UBE3D: variants seen among roughly 807,000 people sequenced by gnomAD.
The protein encoded by UBE3D is E3 ubiquitin-protein ligase E3D.
Under a neutral mutation model 49.6 loss-of-function variants are expected in UBE3D, and 48 were observed. The ratio of observed to expected loss-of-function variants is 0.97; its 90% confidence interval spans 0.77 to 1.23. UBE3D has a LOEUF of 1.23. UBE3D is among the 50% of genes most tolerant of loss of function. The pLI, the probability that UBE3D is intolerant of heterozygous loss-of-function variation, is 0.00. For missense variants in UBE3D, 452 were observed against 468.4 expected, an observed-to-expected ratio of 0.96 and a Z score of 0.32; for synonymous variants, 189 against 174.2, an observed-to-expected ratio of 1.08 and a Z score of -0.67.
chr6:82,981,140 C>G (rs1002867042), intron 8 of UBE3D, among the ~76,000 whole-genome samples: 5 of 152,070 alleles, frequency 3.3e-5, no homozygotes, highest in Non-Finnish European at 4.4e-5. Context: ...AACAAGGAAA[C>G]TGAAGTTCAG....
rs1028901474 is a variant in UBE3D at position 83,026,744 on chromosome 6, G to A, written c.668-2706C>T. 2.6e-5 allele frequency among the ~76,000 whole-genome samples: 4 copies of A among 151,912 alleles called. No individual in the cohort carries two copies. The South Asian group carries it at 8.3e-4, about 32-fold the overall frequency. ...GGTCTTGCCCTGTTGCCCAATTAGGGTGCAGTGGTGTGATCACAGCTCACT... is the reference window on the plus strand; with the variant it reads ...GGTCTTGCCCTGTTGCCCAATTAGGATGCAGTGGTGTGATCACAGCTCACT... On this transcript the variant is annotated intron_variant, in intron 5 of 9. Coordinates refer to ENST00000369747, the MANE Select transcript of UBE3D (RefSeq NM_198920.3).
intron 9 of UBE3D, among the ~76,000 whole-genome samples, chr6:82,941,776 CCT>C (rs1775035164): frequency 6.6e-6 from 1 of 152,090 alleles, no homozygotes; most frequent in African/African-American, 2.4e-5. Flanking sequence ...TGGCATTTCC[CCT>C]GTTGGCACTC....
chr6:82,999,181 A>T (rs1038970175), intron 8 of UBE3D, among the ~76,000 whole-genome samples: 9 of 152,106 alleles, frequency 5.9e-5, no homozygotes, highest in Admixed American at 3.9e-4. Context: ...CATCTTCTCA[A>T]AACCTATATG....
chr6:83,065,559 G>T, intron 1 of UBE3D, 83 bp downstream of exon 1: 2 of 1,323,112 alleles, frequency 1.5e-6, no homozygotes, highest in Non-Finnish European at 2.1e-6. Flanking sequence ...AAAATCCCTC[G>T]TACAGAGAGA....
At chr6:83,026,762 A>T (rs576928007) in intron 5 of UBE3D, among the ~76,000 whole-genome samples, 1 of 152,118 alleles carries the variant, frequency 6.6e-6, no homozygotes, top group East Asian at 1.9e-4. Flanking sequence ...GTGTGATCAC[A>T]GCTCACTGTA....
intron 9 of UBE3D, among the ~76,000 whole-genome samples, chr6:82,944,570 T>G (rs991104506): frequency 3.3e-5 from 5 of 152,288 alleles, no homozygotes; most frequent in African/African-American, 1.2e-4. Flanking sequence ...TCCTTTTGCT[T>G]GAGGAAAGCA....
chr6:83,032,201 C>T (rs1781925575), intron 5 of UBE3D: 1 of 456,228 alleles, frequency 2.2e-6, no homozygotes, highest in Non-Finnish European at 4.4e-6. Context: ...AGCCACAGTA[C>T]CTCAACACCA....
At chr6:82,943,829 T>C (rs939935184) in intron 9 of UBE3D, among the ~76,000 whole-genome samples, 1 of 151,474 alleles carries the variant, frequency 6.6e-6, no homozygotes, top group Non-Finnish European at 1.5e-5. Context: ...GAGAGTGCAG[T>C]GAATATGAGA....
At chr6:82,935,462 T>C (rs1052842402) in intron 9 of UBE3D, among the ~76,000 whole-genome samples, 1 of 152,110 alleles carries the variant, frequency 6.6e-6, no homozygotes, top group African/African-American at 2.4e-5. Context: ...ATATGTCTAA[T>C]AGAAGGTCGG....
intron 8 of UBE3D, among the ~76,000 whole-genome samples, chr6:82,963,989 A>G (rs1776734344): frequency 1.3e-5 from 2 of 152,238 alleles, no homozygotes; most frequent in South Asian, 4.1e-4. Context: ...ACAATGAACT[A>G]AACGTCAATT....
intron 9 of UBE3D, among the ~76,000 whole-genome samples, chr6:82,894,430 C>A (rs1182968480): frequency 6.6e-6 from 1 of 152,164 alleles, no homozygotes; most frequent in Non-Finnish European, 1.5e-5. Flanking sequence ...CAATATCCTG[C>A]CGGGCGGTAA....
chr6:83,040,764 C>A (rs1339479754), intron 4 of UBE3D, among the ~76,000 whole-genome samples: 2 of 152,292 alleles, frequency 1.3e-5, no homozygotes, highest in Non-Finnish European at 2.9e-5. Context: ...CAAAGTGGGC[C>A]CCACAGTGTG....
intron 9 of UBE3D, among the ~76,000 whole-genome samples, chr6:82,939,846 C>G (rs966249769): frequency 6.6e-6 from 1 of 152,132 alleles, no homozygotes; most frequent in Admixed American, 6.5e-5. Context: ...TAAACACAAC[C>G]AAACAAAACA....
chr6:82,997,538 T>C (rs1779328418), intron 8 of UBE3D, among the ~76,000 whole-genome samples: 1 of 151,816 alleles, frequency 6.6e-6, no homozygotes, highest in Non-Finnish European at 1.5e-5. Flanking sequence ...GCTAACATGG[T>C]GAAACCCCGT....
At chr6:82,955,096 A>G (rs548083155) in intron 9 of UBE3D, among the ~76,000 whole-genome samples, 3 of 152,348 alleles carry the variant, frequency 2.0e-5, no homozygotes, top group African/African-American at 7.2e-5. Context: ...AAAGGTGCTA[A>G]GACCACACTA....
intron 9 of UBE3D, among the ~76,000 whole-genome samples, chr6:82,895,188 G>A (rs1485845056): frequency 6.6e-6 from 1 of 152,088 alleles, no homozygotes; most frequent in Non-Finnish European, 1.5e-5. Flanking sequence ...GCAGGTACCT[G>A]TAATCCCTGC....
At chr6:82,931,418 A>G (rs970689488) in intron 9 of UBE3D, among the ~76,000 whole-genome samples, 23 of 152,208 alleles carry the variant, frequency 1.5e-4, no homozygotes, top group African/African-American at 5.3e-4. Flanking sequence ...ATCCACTGAC[A>G]GCTTGCACTG....
intron 9 of UBE3D, among the ~76,000 whole-genome samples, chr6:82,949,618 A>G (rs1187197445): frequency 6.6e-6 from 1 of 152,216 alleles, no homozygotes; most frequent in African/African-American, 2.4e-5. Flanking sequence ...AAATTATACT[A>G]CAAAGCTATA....
rs1307278609 is a variant in UBE3D at position 82,998,611 on chromosome 6, G to A, written c.1010+20362C>T. On this transcript the variant is annotated intron_variant, in intron 8 of 9. Coordinates refer to ENST00000369747, the MANE Select transcript of UBE3D (RefSeq NM_198920.3). ...AGAGTTTTTCTTAATATATTTTAAG[G>A]GGATCATTTCCCATCAATAATCTTT... 2.0e-5 allele frequency among the ~76,000 whole-genome samples: 3 copies of A among 152,124 alleles called. No homozygotes were observed. In the East Asian group the frequency reaches 5.8e-4, roughly 29 times the overall value.
Sources: gnomAD v4.1 joint callset for allele counts (sites outside exome capture counted in the v4.1 genomes callset) on GRCh38, gnomAD v4.1.1 for gene constraint, MANE v1.5 for transcripts, NCBI Gene and HGNC (gene_info 2026-07-23, HGNC 2026-07-21) for gene names.